SMIM43: variants seen among roughly 807,000 people sequenced by gnomAD.
SMIM43 encodes small integral membrane protein 43.
At position 121,760,408 on chromosome 4, in the gene SMIM43, C is replaced by T. The variant is rs937920781; in HGVS notation, c.*566G>A. On this transcript the variant is annotated 3_prime_UTR_variant, in exon 6 of 6. Coordinates refer to ENST00000643802, the MANE Select transcript of SMIM43 (RefSeq NM_001384332.1). ...TTAAAAGGAAGTGGATTTGAACTGG[C>T]ATGCCCCGTTTTCTCTGTGGGCTTC... The T allele has an allele frequency of 1.3e-6, 2 of 1,576,984 alleles. No homozygotes were observed. The highest frequency in any genetic ancestry group is 2.7e-5 in the African/African-American group (2 of 73,850).
Position 121,760,262 on chromosome 4 carries a change from A to C in SMIM43, c.*712T>G. The C allele has an allele frequency of 1.3e-6, 2 of 1,559,878 alleles. No homozygotes were observed. Among genetic ancestry groups the C allele is most frequent in the Non-Finnish European group, 1.7e-6 (2 of 1,156,264 alleles). ...GAGAAACTGGATTTTTGTCAAAGGC[A>C]GTTATATATCCAGCTACAAAAACTA... On this transcript the variant is annotated 3_prime_UTR_variant, in exon 6 of 6. Transcript: ENST00000643802.
At chr4:121,762,887 T>C (rs981144308) in intron 2 of SMIM43, 89 bp from the exon 3 acceptor site, 2 of 152,268 alleles carry the variant, frequency 1.3e-5, no homozygotes, top group Non-Finnish European at 2.9e-5. Context: ...GTGAAATGAT[T>C]GTTTTCAATC....
In SMIM43 at chr4:121,761,593, C is replaced by T. The variant is rs779513522; in HGVS notation, c.*444G>A. On this transcript the variant is annotated 3_prime_UTR_variant, in exon 5 of 6. Transcript: ENST00000643802. ...ACCAAAAACAAATCCTGGCACCTTG[C>T]CATTCCCAGAAAAGCCAGTGCATGG... 13 of 1,613,408 alleles carry T rather than the reference C, an allele frequency of 8.1e-6. No individual in the cohort carries two copies. The East Asian group carries it at 2.5e-4, about 30-fold the overall frequency.
Position 121,760,457 on chromosome 4 carries a change from C to T in SMIM43, c.*517G>A, listed in dbSNP as rs751399788. 92 of 1,547,404 alleles carry T rather than the reference C, an allele frequency of 5.9e-5. No individual in the cohort carries two copies. Among genetic ancestry groups the T allele is most frequent in the Admixed American group, 1.4e-4 (7 of 49,532 alleles). ...TCCTCCTTCTTCTTGTGGGGTGCTG[C>T]GGGGACCATCTTGGAACCTGGAGGA... On this transcript the variant is annotated 3_prime_UTR_variant, in exon 6 of 6. Transcript: ENST00000643802.
chr4:121,761,962 T>C, intron 3 of SMIM43, 70 bp from the exon 4 acceptor site: 9 of 1,312,826 alleles, frequency 6.9e-6, no homozygotes, highest in Non-Finnish European at 8.5e-6. Context: ...AATAGAATTA[T>C]GGCTCATTTC....
At chr4:121,761,412 A>C (rs941080438) in intron 5 of SMIM43, 126 bp downstream of exon 5, 5 of 846,768 alleles carry the variant, frequency 5.9e-6, no homozygotes, top group Middle Eastern at 2.4e-4. Context: ...TGGTTTAACC[A>C]TTTACAAACT....
At position 121,765,141 on chromosome 4, in the gene SMIM43, C is replaced by T. The variant is rs1726287160; in HGVS notation, c.-36G>A. The T allele has an allele frequency of 5.1e-6, 2 of 395,328 alleles. No individual in the cohort carries two copies. Among genetic ancestry groups the T allele is most frequent in the Non-Finnish European group, 8.9e-6 (2 of 223,844 alleles). 24.5% of individuals were successfully genotyped at this position (395,328 alleles called of 1,614,324 possible). A position where few individuals can be genotyped will look rare whatever the true frequency, so the allele number is the denominator to read the frequency against. ...CCGGCGCTCGCTGGCCCTGCGCGCT[C>T]GGCGCGGGCTGCAGCTGGAGGGCGA... On this transcript the variant is annotated 5_prime_UTR_variant, in exon 1 of 6. Coordinates refer to ENST00000643802, the MANE Select transcript of SMIM43 (RefSeq NM_001384332.1).
upstream of SMIM43, chr4:121,765,245 C>G (rs973718420): frequency 1.8e-5 from 7 of 379,400 alleles, no homozygotes; most frequent in African/African-American, 8.4e-5. Flanking sequence ...CTCCGGGGTC[C>G]GTGCTTTGCC....
Position 121,760,840 on chromosome 4 carries a change from C to T in SMIM43, c.*500-366G>A, listed in dbSNP as rs528757334. Reference sequence around the variant, plus strand: ...CCATGTCCTTCAGGATCTGTCTATACAGACCAAGAATGGCAGAAATGTTTG... The same window carrying T: ...CCATGTCCTTCAGGATCTGTCTATATAGACCAAGAATGGCAGAAATGTTTG... On this transcript the variant is annotated intron_variant, in intron 5 of 5. Coordinates refer to ENST00000643802, the MANE Select transcript of SMIM43 (RefSeq NM_001384332.1). Among the ~76,000 whole-genome samples, 58 of 151,918 alleles carry T rather than the reference C, an allele frequency of 3.8e-4. No homozygotes were observed. In the Middle Eastern group the frequency reaches 0.01, roughly 27 times the overall value.
intron 5 of SMIM43, 128 bp from the exon 6 acceptor site, chr4:121,760,602 C>G: frequency 7.4e-7 from 1 of 1,355,744 alleles, no homozygotes; most frequent in Non-Finnish European, 9.5e-7. Flanking sequence ...AACAAACCCT[C>G]TAATTTATTT....
Position 121,760,955 on chromosome 4 carries a change from A to T in SMIM43, c.*500-481T>A, listed in dbSNP as rs4240261. Among the ~76,000 whole-genome samples the T allele has an allele frequency of 3.4e-3, 517 of 152,176 alleles. 1 individual carries two copies. The highest frequency in any genetic ancestry group is 0.012 in the African/African-American group (497 of 41,534). ...GAAAGCTTTTTCTGCATGCTTATTA[A>T]GTTCTGATTACTGGGTCTGAACGCC... On this transcript the variant is annotated intron_variant, in intron 5 of 5. Coordinates refer to ENST00000643802, the MANE Select transcript of SMIM43 (RefSeq NM_001384332.1).
At chr4:121,760,498 C>A in intron 5 of SMIM43, 24 bp from the exon 6 acceptor site, 9 of 1,509,414 alleles carry the variant, frequency 6.0e-6, no homozygotes, top group Non-Finnish European at 8.0e-6. Flanking sequence ...CCAAGGGAAC[C>A]TCAGCAGCCA....
At chr4:121,762,023 T>A in intron 3 of SMIM43, 131 bp from the exon 4 acceptor site, 2 of 727,918 alleles carry the variant, frequency 2.7e-6, no homozygotes, top group South Asian at 2.1e-5. Flanking sequence ...GAAGAATCAC[T>A]AAAAACCTTT....
rs2110519613 is a variant in SMIM43 at position 121,759,733 on chromosome 4, A to C, written c.*1241T>G. 1 of 152,352 alleles carries C rather than the reference A, an allele frequency of 6.6e-6. No homozygotes were observed. The highest frequency in any genetic ancestry group is 1.9e-4 in the East Asian group (1 of 5,190). 9.4% of individuals were successfully genotyped at this position (152,352 alleles called of 1,614,324 possible). A position where few individuals can be genotyped will look rare whatever the true frequency, so the allele number is the denominator to read the frequency against. On this transcript the variant is annotated 3_prime_UTR_variant, in exon 6 of 6. Coordinates refer to ENST00000643802, the MANE Select transcript of SMIM43 (RefSeq NM_001384332.1). ...ATATTCCTAGACTGGTGGTGGAGTC[A>C]CAGAAAGGAGTAAGGTAGCCTTTCT...
chr4:121,762,792 G>A lies in SMIM43; in HGVS notation c.*213C>T, dbSNP rs935425516. 1 of 152,156 alleles carries A rather than the reference G, an allele frequency of 6.6e-6. No individual in the cohort carries two copies. The highest frequency in any genetic ancestry group is 1.5e-5 in the Non-Finnish European group (1 of 68,028). 9.4% of individuals were successfully genotyped at this position (152,156 alleles called of 1,614,324 possible). A position where few individuals can be genotyped will look rare whatever the true frequency, so the allele number is the denominator to read the frequency against. On this transcript the variant is annotated 3_prime_UTR_variant, in exon 3 of 6. Transcript: ENST00000643802. ...GCAGGTTAAATTCATGGATACCAGT[G>A]GTGCTGCTAGGAAGATTAAAGGATT...
At chr4:121,761,123 CAAA>C (rs10577662) in intron 5 of SMIM43, among the ~76,000 whole-genome samples, 21 of 147,770 alleles carry the variant, frequency 1.4e-4, no homozygotes, top group East Asian at 7.9e-4. Flanking sequence ...CTGATTCAAA[CAAA>C]AAAAAAAAAC....
rs951165794 is a variant in SMIM43, at chr4:121,764,816, C to G, written c.*97+1G>C. ...CCCGTCAGAGCCGCCGAGCCCCGCACCTGGAAGCTGGGAGGCCGCGAGGAC... is the reference window on the plus strand; with the variant it reads ...CCCGTCAGAGCCGCCGAGCCCCGCAGCTGGAAGCTGGGAGGCCGCGAGGAC... On this transcript the variant is annotated splice_donor_variant, in intron 1 of 5. Coordinates refer to ENST00000643802, the MANE Select transcript of SMIM43 (RefSeq NM_001384332.1). LOFTEE classifies it low-confidence loss of function (3UTR_SPLICE). The G allele has an allele frequency of 2.0e-4, 79 of 395,952 alleles. No homozygotes were observed. Among genetic ancestry groups the G allele is most frequent in the Middle Eastern group, 6.2e-4 (1 of 1,602 alleles). The allele number at this position is 395,952 out of a possible 1,614,324, so 24.5% of individuals were successfully genotyped here. A position where few individuals can be genotyped will look rare whatever the true frequency, so the allele number is the denominator to read the frequency against.
rs1468072577 is a variant in SMIM43 at position 121,761,890 on chromosome 4, C to A, written c.*281G>T. The A allele has an allele frequency of 6.2e-7, 1 of 1,604,788 alleles. No individual in the cohort carries two copies. Among genetic ancestry groups the A allele is most frequent in the Non-Finnish European group, 8.5e-7 (1 of 1,176,588 alleles). ...TGATAAGATCTGAAGCCATTTTGAA[C>A]ACCTGAAATTTAGAAACAATGATGA... On this transcript the variant is annotated splice_region_variant and 3_prime_UTR_variant, in exon 4 of 6. Transcript: ENST00000643802.
At chr4:121,765,331 T>G, upstream of SMIM43, 1 of 339,034 alleles carries the variant, frequency 2.9e-6, no homozygotes, top group Admixed American at 4.8e-5. Flanking sequence ...ACCAAAGCCT[T>G]CCGCTTCGCC....
Sources: gnomAD v4.1 joint callset for allele counts (sites outside exome capture counted in the v4.1 genomes callset) on GRCh38, gnomAD v4.1.1 for gene constraint, MANE v1.5 for transcripts, NCBI Gene and HGNC (gene_info 2026-07-23, HGNC 2026-07-21) for gene names.